ADGRB3: variants seen among roughly 807,000 people sequenced by gnomAD.
ADGRB3 encodes brain-specific angiogenesis inhibitor 3.
Under a neutral mutation model 193.4 loss-of-function variants are expected in ADGRB3, and 37 were observed. The ratio of observed to expected loss-of-function variants is 0.19; its 90% CI spans 0.15 to 0.25. The LOEUF is 0.25. Among genes scored for constraint, ADGRB3 ranks in the 10% least tolerant of loss-of-function variants. The pLI, the probability that ADGRB3 is intolerant of heterozygous loss-of-function variation, is 1.00. For synonymous variants in ADGRB3, 690 were observed against 644.2 expected (o/e 1.07, Z -1.08); for missense variants, 1,637 against 1,852.9 (o/e 0.88, Z 2.14).
chr6:68,742,633 G>A (rs1041756912), intron 3 of ADGRB3, among the ~76,000 whole-genome samples: 2 of 152,060 alleles, frequency 1.3e-5, no homozygotes, highest in Admixed American at 1.3e-4. Flanking sequence ...TTCTGTGAAG[G>A]TTAAGTTAGA....
At chr6:68,799,598 T>C (rs1767275014) in intron 3 of ADGRB3, among the ~76,000 whole-genome samples, 1 of 152,206 alleles carries the variant, frequency 6.6e-6, no homozygotes, top group South Asian at 2.1e-4. Flanking sequence ...TTAGGTAGTG[T>C]ACATTCTATA....
intron 3 of ADGRB3, among the ~76,000 whole-genome samples, chr6:68,757,965 T>A (rs1392746284): frequency 6.6e-6 from 1 of 152,046 alleles, no homozygotes; most frequent in Non-Finnish European, 1.5e-5. Flanking sequence ...CCTTATTACA[T>A]CCTCTTGCCT....
chr6:69,210,406 A>T (rs1340424574), intron 17 of ADGRB3, among the ~76,000 whole-genome samples: 1 of 151,786 alleles, frequency 6.6e-6, no homozygotes, highest in African/African-American at 2.4e-5. Flanking sequence ...AACTGATTAG[A>T]CTGTGCCTAT....
intron 3 of ADGRB3, among the ~76,000 whole-genome samples, chr6:68,917,572 TA>T (rs1419722378): frequency 1.3e-5 from 2 of 152,208 alleles, no homozygotes; most frequent in Non-Finnish European, 2.9e-5. Flanking sequence ...CTTAGGGTAC[TA>T]ATAACTCAAT....
chr6:68,737,910 G>T (rs1262728186), intron 3 of ADGRB3, among the ~76,000 whole-genome samples: 3 of 152,160 alleles, frequency 2.0e-5, no homozygotes, highest in African/African-American at 7.2e-5. Flanking sequence ...AGTGGGTGAG[G>T]CCAAAAATAA....
intron 13 of ADGRB3, among the ~76,000 whole-genome samples, chr6:69,038,578 T>C (rs1562132083): frequency 6.6e-6 from 1 of 152,190 alleles, no homozygotes; most frequent in Admixed American, 6.5e-5. Flanking sequence ...CATGTTTGGA[T>C]TGAAATCATG....
At chr6:69,274,479 C>CCTT (rs1582596796) in intron 20 of ADGRB3, among the ~76,000 whole-genome samples, 43 of 73,788 alleles carry the variant, frequency 5.8e-4, no homozygotes, top group Middle Eastern at 5.7e-3. Context: ...CTTCCTTCCT[C>CCTT]CCTCCCTCCC....
rs559215205 is a variant in ADGRB3 at position 69,352,727 on chromosome 6, G to A, written c.3460-1506G>A. 3.3e-5 allele frequency among the ~76,000 whole-genome samples: 5 copies of A among 152,320 alleles called. No homozygotes were observed. In the South Asian group the frequency reaches 1.0e-3, roughly 32 times the overall value. On this transcript the variant is annotated intron_variant, in intron 26 of 31. Coordinates refer to ENST00000370598, the MANE Select transcript of ADGRB3 (RefSeq NM_001704.3). ...GGCTACTAATGACTATGAAATGAGT[G>A]AGAGGACAAGGAGGAAGCTAAAAAC... is the stretch of plus-strand genomic sequence containing the variant.
chr6:69,327,699 G>A, intron 21 of ADGRB3, 121 bp from the exon 22 acceptor site: 1 of 629,348 alleles, frequency 1.6e-6, no homozygotes, highest in East Asian at 3.1e-5. Flanking sequence ...ACCTTGTGAA[G>A]TGACTCATCC....
rs1562128790 is a variant in ADGRB3, at chr6:69,031,032, CTCTTCTCTCTTCTCTTCTCTTCTCT to C, written c.2107+12537_2107+12561del. Reference sequence around the variant, plus strand: ...TTTCTTTTCTTTTTTTTTTCCTCTTCTCTTCTCTCTTCTCTTCTCTTCTCTTCTCTTCTCTTCTCTTCTCTTCTCT... The same window carrying C: ...TTTCTTTTCTTTTTTTTTTCCTCTTCTCTCTTCTCTTCTCTTCTCTTCTCT... On this transcript the variant is annotated intron_variant, in intron 13 of 31. Transcript: ENST00000370598. Among the ~76,000 whole-genome samples the C allele has an allele frequency of 2.4e-4, 9 of 38,132 alleles. 1 individual carries two copies. The highest frequency in any genetic ancestry group is 1.1e-3 in the African/African-American group (8 of 7,466). 25.0% of individuals were successfully genotyped at this position (38,132 alleles called of 152,430 possible).
At chr6:68,772,873 AC>A (rs2075086676) in intron 3 of ADGRB3, among the ~76,000 whole-genome samples, 8 of 25,094 alleles carry the variant, frequency 3.2e-4, no homozygotes, top group Admixed American at 5.9e-4. Context: ...AAACAAACAA[AC>A]AAACAAACAA....
In ADGRB3 at chr6:68,691,453, G is replaced by A. The variant is rs558069226; in HGVS notation, c.757+52021G>A. 3.9e-5 allele frequency among the ~76,000 whole-genome samples: 6 copies of A among 151,910 alleles called. No individual in the cohort carries two copies. The South Asian group carries it at 6.2e-4, about 16-fold the overall frequency. On this transcript the variant is annotated intron_variant, in intron 3 of 31. Transcript: ENST00000370598. ...TGAAATTGATGTGGCTATGGCTAGC[G>A]GCAACTTATATGCACTATTTGAAGC...
intron 3 of ADGRB3, among the ~76,000 whole-genome samples, chr6:68,675,462 T>C (rs751488733): frequency 3.3e-5 from 5 of 152,070 alleles, no homozygotes; most frequent in Non-Finnish European, 5.9e-5. Context: ...AAATGGTATT[T>C]AGAACTAAGA....
At chr6:68,940,950 C>T (rs1297929480) in intron 5 of ADGRB3, among the ~76,000 whole-genome samples, 5 of 152,134 alleles carry the variant, frequency 3.3e-5, no homozygotes, top group Middle Eastern at 3.4e-3. Context: ...ATCTAAATCA[C>T]GAGAAAATTT....
At chr6:69,305,050 GC>G (rs1270278335) in intron 20 of ADGRB3, among the ~76,000 whole-genome samples, 1 of 151,428 alleles carries the variant, frequency 6.6e-6, no homozygotes, top group Non-Finnish European at 1.5e-5. Context: ...CTCTATTTGA[GC>G]CTCACTTTCT....
intron 3 of ADGRB3, among the ~76,000 whole-genome samples, chr6:68,748,975 G>A (rs1044809382): frequency 1.3e-5 from 2 of 152,214 alleles, no homozygotes; most frequent in Non-Finnish European, 2.9e-5. Context: ...TGAAGCCACA[G>A]CCCAAGCTGT....
chr6:68,978,184 A>G (rs915499357), intron 10 of ADGRB3, among the ~76,000 whole-genome samples: 1 of 151,484 alleles, frequency 6.6e-6, no homozygotes, highest in African/African-American at 2.4e-5. Context: ...GGTTCAGAAA[A>G]TTGATTTTGA....
chr6:68,946,694 T>C (rs1437025104), intron 6 of ADGRB3, among the ~76,000 whole-genome samples: 1 of 152,156 alleles, frequency 6.6e-6, no homozygotes, highest in Non-Finnish European at 1.5e-5. Flanking sequence ...TGTCTCCCAC[T>C]ACTCACTACT....
At chr6:69,129,333 T>G (rs1438221605) in intron 17 of ADGRB3, among the ~76,000 whole-genome samples, 1 of 151,806 alleles carries the variant, frequency 6.6e-6, no homozygotes, top group Non-Finnish European at 1.5e-5. Context: ...TTGCAGATGA[T>G]GCACATGAAA....
Sources: allele counts gnomAD v4.1 joint callset (sites outside exome capture counted in the v4.1 genomes callset), GRCh38; gene constraint gnomAD v4.1.1; transcripts MANE v1.5; gene names NCBI Gene and HGNC (gene_info 2026-07-23, HGNC 2026-07-21).